Variants in SH3RF2 observed in about 807,000 individuals in gnomAD.
The protein encoded by SH3RF2 is E3 ubiquitin-protein ligase SH3RF2.
Under a neutral mutation model 59.0 loss-of-function variants are expected in SH3RF2, and 43 were observed. That is an observed-to-expected ratio of 0.73 (90% CI 0.57 to 0.94). SH3RF2 has a LOEUF of 0.94. Among genes scored for constraint, SH3RF2 ranks in the 40% least tolerant of loss-of-function variants. The pLI, the probability that SH3RF2 is intolerant of heterozygous loss-of-function variation, is 0.00. For synonymous variants in SH3RF2, 391 were observed against 391.5 expected (o/e 1.00, Z 0.01); for missense variants, 930 against 940.1 (o/e 0.99, Z 0.14).
chr5:146,075,711 G>A (rs1307677007), intron 9 of SH3RF2, among the ~76,000 whole-genome samples: 11 of 149,628 alleles, frequency 7.4e-5, no homozygotes, highest in Non-Finnish European at 1.0e-4. Flanking sequence ...CCCGGGAGGC[G>A]GAGGTTGCAG....
chr5:146,017,442 C>T (rs1761146821), intron 5 of SH3RF2, among the ~76,000 whole-genome samples: 1 of 152,102 alleles, frequency 6.6e-6, no homozygotes, highest in Non-Finnish European at 1.5e-5. Context: ...ATCCTGCTCG[C>T]CCTCTGCCTC....
intron 2 of SH3RF2, among the ~76,000 whole-genome samples, chr5:145,967,862 G>A (rs1394815258): frequency 6.6e-6 from 1 of 152,122 alleles, no homozygotes; most frequent in Non-Finnish European, 1.5e-5. Flanking sequence ...GTTTCACCAT[G>A]TTGGCCAGGC....
intron 3 of SH3RF2, among the ~76,000 whole-genome samples, chr5:146,002,284 C>G (rs1215128225): frequency 6.6e-6 from 1 of 152,108 alleles, no homozygotes; most frequent in African/African-American, 2.4e-5. Flanking sequence ...AACCCCGACT[C>G]TACTAAAAAT....
intron 2 of SH3RF2, among the ~76,000 whole-genome samples, chr5:145,962,032 T>C (rs2149954518): frequency 6.6e-6 from 1 of 152,344 alleles, no homozygotes; most frequent in East Asian, 1.9e-4. Context: ...AAAGCCTACA[T>C]CATTCTTTAA....
At chr5:146,043,876 T>C (rs74509982) in intron 5 of SH3RF2, 91 of 152,318 alleles carry the variant, frequency 6.0e-4, no homozygotes, top group African/African-American at 2.1e-3. Flanking sequence ...TTGGGGGTGT[T>C]TCTAGTTTTT....
intron 2 of SH3RF2, among the ~76,000 whole-genome samples, chr5:145,939,305 T>C (rs969122688): frequency 6.6e-6 from 1 of 152,220 alleles, no homozygotes; most frequent in Non-Finnish European, 1.5e-5. Flanking sequence ...AGAGCAAGCA[T>C]TAGAGTCTAA....
chr5:146,057,943 TC>T (rs1762728649), intron 8 of SH3RF2, among the ~76,000 whole-genome samples: 1 of 124,440 alleles, frequency 8.0e-6, no homozygotes, highest in South Asian at 2.4e-4. Context: ...TCTCTCTCTC[TC>T]TCTCTCTCTC....
chr5:146,029,177 A>T (rs186892361), intron 5 of SH3RF2, among the ~76,000 whole-genome samples: 8 of 152,276 alleles, frequency 5.3e-5, no homozygotes, highest in African/African-American at 1.4e-4. Context: ...AATCGTTGTT[A>T]CTTCTTTCCA....
At chr5:145,985,171 C>A (rs1384436245) in intron 2 of SH3RF2, among the ~76,000 whole-genome samples, 1 of 152,132 alleles carries the variant, frequency 6.6e-6, no homozygotes, top group Admixed American at 6.6e-5. Flanking sequence ...AGAAAAAAGT[C>A]TTGGCTTCAG....
chr5:145,996,951 C>G lies in SH3RF2; in HGVS notation c.379-3107C>G, dbSNP rs1159671040. Among the ~76,000 whole-genome samples, 3 of 152,212 alleles carry G rather than the reference C, an allele frequency of 2.0e-5. No homozygotes were observed. In the East Asian group the frequency reaches 5.8e-4, roughly 29 times the overall value. ...TAGATTAAATGAGATGATCCACATACACACTTAGCACATAGGAAGTGCTCG... is the reference window on the plus strand; with the variant it reads ...TAGATTAAATGAGATGATCCACATAGACACTTAGCACATAGGAAGTGCTCG... On this transcript the variant is annotated intron_variant, in intron 2 of 9. Transcript: ENST00000359120.
chr5:145,960,450 A>G (rs993117768), intron 2 of SH3RF2, among the ~76,000 whole-genome samples: 2 of 152,216 alleles, frequency 1.3e-5, no homozygotes, highest in Non-Finnish European at 2.9e-5. Context: ...CATGTAGTTC[A>G]ATGCCTGGCC....
chr5:146,059,939 C>T lies in SH3RF2; in HGVS notation c.1629C>T (p.Thr543=), dbSNP rs867901938. The T allele has an allele frequency of 2.0e-6, 3 of 1,529,126 alleles. No homozygotes were observed. In the Admixed American group the frequency reaches 6.2e-5, roughly 32 times the overall value. 94.7% of individuals were successfully genotyped at this position (1,529,126 alleles called of 1,614,324 possible). A position where few individuals can be genotyped will look rare whatever the true frequency, so the allele number is the denominator to read the frequency against. ...TAGGCTCCCTCAGACGCAGCCCCAC[C>T]ATGGTCCTTCGGCCTCAGCAGTTCC... ...LVVGSLRRSP[T]MVLRPQQFQF... The change falls in exon 9 of 10, where the codon ACC becomes ACT. Residue 543 remains threonine (T), a synonymous_variant. Coordinates refer to ENST00000359120, the MANE Select transcript of SH3RF2 (RefSeq NM_152550.4).
chr5:145,956,598 C>T (rs1199175848), intron 2 of SH3RF2, among the ~76,000 whole-genome samples: 3 of 151,926 alleles, frequency 2.0e-5, no homozygotes, highest in Non-Finnish European at 1.5e-5. Flanking sequence ...AGTGTCTAAG[C>T]ATGTTTCTAG....
chr5:145,981,968 G>A (rs900261634), intron 2 of SH3RF2, among the ~76,000 whole-genome samples: 1 of 152,180 alleles, frequency 6.6e-6, no homozygotes, highest in African/African-American at 2.4e-5. Context: ...CCTGAAATCT[G>A]CATTACTAGT....
chr5:145,972,039 C>G (rs1759104515), intron 2 of SH3RF2, among the ~76,000 whole-genome samples: 1 of 152,072 alleles, frequency 6.6e-6, no homozygotes, highest in Admixed American at 6.5e-5. Context: ...GGGCCAAGGT[C>G]AGCAGCTTTA....
At chr5:146,038,412 T>C (rs1280878695) in intron 5 of SH3RF2, among the ~76,000 whole-genome samples, 1 of 152,220 alleles carries the variant, frequency 6.6e-6, no homozygotes, top group African/African-American at 2.4e-5. Context: ...GATGATACTA[T>C]TGTCTATATA....
In SH3RF2 at chr5:146,044,149, GT is replaced by G. The variant is rs796365278; in HGVS notation, c.1060-3610del. ...GATTGGTCCGTTTTTGTTTTTTTTT[GT>G]TTTTTTTTTTTTGTTTTTAAGACAG... On this transcript the variant is annotated intron_variant, in intron 5 of 9. Transcript: ENST00000359120. Among the ~76,000 whole-genome samples the G allele has an allele frequency of 1.7e-3, 104 of 61,150 alleles. 1 individual carries two copies. Among genetic ancestry groups the G allele is most frequent in the Admixed American group, 6.7e-3 (39 of 5,800 alleles). 40.1% of individuals were successfully genotyped at this position (61,150 alleles called of 152,430 possible).
intron 8 of SH3RF2, among the ~76,000 whole-genome samples, chr5:146,056,746 C>A (rs1460648366): frequency 6.6e-6 from 1 of 152,198 alleles, no homozygotes; most frequent in Non-Finnish European, 1.5e-5. Context: ...GCAAATCTCC[C>A]TCATATCCTT....
At chr5:146,042,697 A>G (rs972821529) in intron 5 of SH3RF2, among the ~76,000 whole-genome samples, 5 of 152,080 alleles carry the variant, frequency 3.3e-5, no homozygotes, top group African/African-American at 9.7e-5. Context: ...GAGGCTTCAT[A>G]CCCTCTTCCT....
Sources: gnomAD v4.1 joint callset for allele counts (sites outside exome capture counted in the v4.1 genomes callset) on GRCh38, gnomAD v4.1.1 for gene constraint, MANE v1.5 for transcripts, NCBI Gene and HGNC (gene_info 2026-07-23, HGNC 2026-07-21) for gene names.